The following CST8 variants were observed in gnomAD, a reference collection of about 807,000 sequenced individuals.
CST8 encodes cystatin-8.
Under a neutral mutation model 11.8 loss-of-function variants are expected in CST8, and 20 were observed. The ratio of observed to expected loss-of-function variants is 1.70; its 90% CI spans 1.20 to 2.47. The LOEUF (loss-of-function observed/expected upper bound fraction) is 2.47, where lower values mean the gene tolerates loss of function less well. Ranked by LOEUF, CST8 falls within the 30% of genes most tolerant of loss-of-function variation. CST8 has a pLI of 0.00. For synonymous variants in CST8, 77 were observed against 63.1 expected, an observed-to-expected ratio of 1.22 and a Z score of -1.05; for missense variants, 196 against 167.2, an observed-to-expected ratio of 1.17 and a Z score of -0.95.
the CST8 span, among the ~76,000 whole-genome samples, chr20:23,503,694 A>G: frequency 2.6e-5 from 4 of 152,252 alleles, no homozygotes; most frequent in African/African-American, 9.6e-5. Flanking sequence ...GTACGTGCAA[A>G]TGAAGATGTG....
chr20:23,494,169 C>A (rs1055903138), intron 3 of CST8, among the ~76,000 whole-genome samples: 1 of 152,310 alleles, frequency 6.6e-6, no homozygotes, highest in Admixed American at 6.5e-5. Flanking sequence ...CGAATGCTAT[C>A]TGATCTTTTA....
the CST8 span, among the ~76,000 whole-genome samples, chr20:23,503,783 G>T: frequency 1.3e-5 from 2 of 152,234 alleles, no homozygotes; most frequent in African/African-American, 4.8e-5. Flanking sequence ...ACTGCGCCCC[G>T]CCACTCTCAG....
At chr20:23,491,428 TAG>T in intron 1 of CST8, 86 bp downstream of exon 1, 2 of 559,198 alleles carry the variant, frequency 3.6e-6, no homozygotes, top group South Asian at 4.2e-5. Context: ...GGGAGGCTGG[TAG>T]AGAGACTCCT....
intron 3 of CST8, 27 bp from the exon 4 acceptor site, chr20:23,495,804 A>G (rs763622488): frequency 1.4e-6 from 2 of 1,439,856 alleles, no homozygotes; most frequent in Non-Finnish European, 1.9e-6. Flanking sequence ...GCACTCTACT[A>G]ATTTTTGTTG....
the CST8 span, among the ~76,000 whole-genome samples, chr20:23,506,846 T>C: frequency 6.6e-6 from 1 of 151,784 alleles, no homozygotes; most frequent in East Asian, 1.9e-4. Context: ...ATTGAGGATT[T>C]AGGGGAACTG....
In CST8 at chr20:23,493,081, G is replaced by A; in HGVS notation, c.345+10G>A. 6.7e-7 allele frequency: 1 copy of A among 1,488,754 alleles called. No individual in the cohort carries two copies. 92.2% of individuals were successfully genotyped at this position (1,488,754 alleles called of 1,614,324 possible). Reference sequence around the variant, plus strand: ...CTCCAAGCTGAAAAGGGTAGGTGATGAACCACTCATCTGTGACGGCCTAGG... The same window carrying A: ...CTCCAAGCTGAAAAGGGTAGGTGATAAACCACTCATCTGTGACGGCCTAGG... On this transcript the variant is annotated intron_variant, in intron 3 of 3. Coordinates refer to ENST00000246012, the MANE Select transcript of CST8 (RefSeq NM_005492.4).
chr20:23,504,518 T>C, the CST8 span, among the ~76,000 whole-genome samples: 3 of 152,176 alleles, frequency 2.0e-5, no homozygotes, highest in African/African-American at 7.2e-5. Flanking sequence ...TCTCTTTCTT[T>C]AGGTCGCCAA....
downstream of CST8, among the ~76,000 whole-genome samples, chr20:23,500,825 G>A (rs1010897414): frequency 2.0e-5 from 3 of 152,124 alleles, no homozygotes; most frequent in South Asian, 2.1e-4. Context: ...GTGCCTCAGC[G>A]AAGGGGACTG....
At chr20:23,503,908 G>C in the CST8 span, among the ~76,000 whole-genome samples, 1 of 152,216 alleles carries the variant, frequency 6.6e-6, no homozygotes, top group Non-Finnish European at 1.5e-5. Context: ...CACGCTCAGA[G>C]CCGACCACGG....
chr20:23,505,270 G>A, the CST8 span, among the ~76,000 whole-genome samples: 7 of 147,080 alleles, frequency 4.8e-5, no homozygotes, highest in Non-Finnish European at 7.4e-5. Flanking sequence ...TCAGCCTCCC[G>A]AGTAGCTGGG....
Position 23,495,855 on chromosome 20 carries a change from G to A in CST8, c.370G>A (p.Gly124Arg), listed in dbSNP as rs377479607. Residue 124 changes from glycine to arginine, a missense_variant, in exon 4 of 4, where the codon GGA becomes AGA. By Grantham distance (125) the Gly-to-Arg change is moderately radical. Transcript: ENST00000246012. Reference protein sequence around the residue: ...KRKLSCSFLVGALPWNGEFTV... With the variant: ...KRKLSCSFLVRALPWNGEFTV... ...GAAATTAAGCTGCAGCTTTTTGGTAGGAGCACTTCCCTGGAATGGTGAATT... is the reference window on the plus strand; with the variant it reads ...GAAATTAAGCTGCAGCTTTTTGGTAAGAGCACTTCCCTGGAATGGTGAATT... The A allele has an allele frequency of 4.4e-6, 7 of 1,608,582 alleles. No homozygotes were observed. The highest frequency in any genetic ancestry group is 5.9e-6 in the Non-Finnish European group (7 of 1,178,502).
Position 23,491,666 on chromosome 20 carries a change from C to G in CST8, c.-2C>G. ...TCGACTTTGCCTCTTGCCCAAGGGACCATGCCCAGGTGCCGGTGGCTCTCC... is the reference window on the plus strand; with the variant it reads ...TCGACTTTGCCTCTTGCCCAAGGGAGCATGCCCAGGTGCCGGTGGCTCTCC... On this transcript the variant is annotated 5_prime_UTR_variant, in exon 2 of 4. Coordinates refer to ENST00000246012, the MANE Select transcript of CST8 (RefSeq NM_005492.4). 1 of 1,612,822 alleles carries G rather than the reference C, an allele frequency of 6.2e-7. No homozygotes were observed. Among genetic ancestry groups the G allele is most frequent in the Non-Finnish European group, 8.5e-7 (1 of 1,178,944 alleles).
downstream of CST8, among the ~76,000 whole-genome samples, chr20:23,497,325 A>C (rs1435276664): frequency 7.4e-6 from 1 of 135,188 alleles, no homozygotes; most frequent in Non-Finnish European, 1.7e-5. Flanking sequence ...GGAGGAATGA[A>C]TCCCTTTGGC....
chr20:23,491,946 G>A (rs1987900079), intron 2 of CST8, 48 bp downstream of exon 2: 3 of 1,438,766 alleles, frequency 2.1e-6, no homozygotes, highest in Non-Finnish European at 2.9e-6. Context: ...TGGTGGCACA[G>A]TTGAAGCCAG....
chr20:23,500,798 C>T (rs900758814), downstream of CST8, among the ~76,000 whole-genome samples: 9 of 147,404 alleles, frequency 6.1e-5, no homozygotes, highest in African/African-American at 2.3e-4. Flanking sequence ...AGGGGGTGGG[C>T]TCTGGGGGAC....
the CST8 span, among the ~76,000 whole-genome samples, chr20:23,501,818 G>T: frequency 2.0e-5 from 3 of 152,174 alleles, no homozygotes; most frequent in Non-Finnish European, 2.9e-5. Flanking sequence ...AGCAATTATT[G>T]TTCCTTTTTT....
downstream of CST8, among the ~76,000 whole-genome samples, chr20:23,498,501 G>C (rs1988111666): frequency 6.6e-6 from 1 of 152,266 alleles, no homozygotes; most frequent in Non-Finnish European, 1.5e-5. Flanking sequence ...TTTTCCTCTG[G>C]TTCCTCTGAC....
intron 3 of CST8, among the ~76,000 whole-genome samples, chr20:23,495,452 G>A (rs1988012765): frequency 1.3e-5 from 2 of 152,032 alleles, no homozygotes; most frequent in Admixed American, 6.6e-5. Context: ...CCACAACCTT[G>A]CCAATATTAA....
the CST8 span, among the ~76,000 whole-genome samples, chr20:23,502,628 C>A: frequency 6.6e-6 from 1 of 152,144 alleles, no homozygotes; most frequent in African/African-American, 2.4e-5. Context: ...TTCTTACACC[C>A]AAACCTTCAC....
Sources: gnomAD v4.1 joint callset for allele counts (sites outside exome capture counted in the v4.1 genomes callset) on GRCh38, gnomAD v4.1.1 for gene constraint, MANE v1.5 for transcripts, NCBI Gene and HGNC (gene_info 2026-07-23, HGNC 2026-07-21) for gene names.